PRKD1: variants seen among roughly 807,000 people sequenced by gnomAD.
The protein encoded by PRKD1 is protein kinase D1.
In PRKD1, 63 loss-of-function variants were observed where a neutral mutation model predicts 95.9. That is an observed-to-expected ratio of 0.66 (90% CI 0.54 to 0.81). The LOEUF (loss-of-function observed/expected upper bound fraction) is 0.81, where lower values mean the gene tolerates loss of function less well. Among genes scored for constraint, PRKD1 ranks in the 30% least tolerant of loss-of-function variants. The probability of loss-of-function intolerance (pLI) is 0.00; values close to 1 mark genes in which losing one functional copy is unlikely to be tolerated. For synonymous variants in PRKD1, 425 were observed against 423.1 expected (o/e 1.00, Z -0.05); for missense variants, 1,048 against 1,165.3 (o/e 0.90, Z 1.47).
intron 1 of PRKD1, among the ~76,000 whole-genome samples, chr14:29,795,650 G>T (rs1295422730): frequency 1.3e-5 from 2 of 152,006 alleles, no homozygotes; most frequent in Non-Finnish European, 2.9e-5. Flanking sequence ...TAGCAAAATT[G>T]ACCAACTAAG....
rs759190485 is a variant in PRKD1, at chr14:29,597,454, G to A, written c.2434+37C>T. On this transcript the variant is annotated intron_variant, in intron 16 of 17. Transcript: ENST00000331968. ...TAAATTAATAACATAAACAAATAAG[G>A]ATTAGATTATTATCATTTTTGAATG... The A allele has an allele frequency of 3.3e-6, 5 of 1,507,354 alleles. No homozygotes were observed. In the African/African-American group the frequency reaches 5.6e-5, roughly 17 times the overall value. 93.4% of individuals were successfully genotyped at this position (1,507,354 alleles called of 1,614,324 possible). A position where few individuals can be genotyped will look rare whatever the true frequency, so the allele number is the denominator to read the frequency against.
intron 1 of PRKD1, among the ~76,000 whole-genome samples, chr14:29,912,079 T>C (rs1463800832): frequency 6.6e-6 from 1 of 152,216 alleles, no homozygotes; most frequent in Non-Finnish European, 1.5e-5. Context: ...CTCTTCATAT[T>C]CACCTGTCTG....
intron 1 of PRKD1, among the ~76,000 whole-genome samples, chr14:29,757,002 G>T (rs1231780628): frequency 6.6e-6 from 1 of 152,018 alleles, no homozygotes; most frequent in Non-Finnish European, 1.5e-5. Context: ...TTTATTTGTT[G>T]GTGTAATTAA....
intron 1 of PRKD1, among the ~76,000 whole-genome samples, chr14:29,771,813 G>A (rs1027940677): frequency 2.0e-5 from 3 of 152,218 alleles, no homozygotes; most frequent in Non-Finnish European, 4.4e-5. Flanking sequence ...TGCTGCAAAG[G>A]CAGGACATGG....
chr14:29,831,939 T>G (rs1420991705), intron 1 of PRKD1, among the ~76,000 whole-genome samples: 1 of 152,200 alleles, frequency 6.6e-6, no homozygotes, highest in Non-Finnish European at 1.5e-5. Context: ...TACATGTATG[T>G]ACATCCAGGT....
intron 1 of PRKD1, among the ~76,000 whole-genome samples, chr14:29,797,674 C>T (rs988988581): frequency 6.6e-6 from 1 of 152,094 alleles, no homozygotes; most frequent in African/African-American, 2.4e-5. Flanking sequence ...CAGGGAACCT[C>T]GAAGCACCTG....
intron 1 of PRKD1, among the ~76,000 whole-genome samples, chr14:29,923,490 C>T (rs1895195231): frequency 1.3e-5 from 2 of 151,970 alleles, no homozygotes; most frequent in South Asian, 2.1e-4. Context: ...AGAAAAATGA[C>T]ATCACAACTA....
At chr14:29,755,506 T>C (rs17478506) in intron 1 of PRKD1, among the ~76,000 whole-genome samples, 22,527 of 151,732 alleles carry the variant, frequency 0.15, 1,969 homozygotes, top group South Asian at 0.22. Flanking sequence ...CGACACAGAG[T>C]GCCGGAAAAA....
At chr14:29,616,979 G>A (rs995828394) in intron 13 of PRKD1, among the ~76,000 whole-genome samples, 1 of 152,048 alleles carries the variant, frequency 6.6e-6, no homozygotes, top group Non-Finnish European at 1.5e-5. Context: ...GTAGGACCTA[G>A]TATCTATTGT....
intron 13 of PRKD1, among the ~76,000 whole-genome samples, chr14:29,609,381 T>A (rs900007683): frequency 6.6e-6 from 1 of 152,068 alleles, no homozygotes; most frequent in Non-Finnish European, 1.5e-5. Context: ...CATAAATTAG[T>A]TGTAGTCTTG....
intron 1 of PRKD1, among the ~76,000 whole-genome samples, chr14:29,774,983 G>A (rs1017263691): frequency 1.3e-5 from 2 of 152,144 alleles, no homozygotes; most frequent in East Asian, 1.9e-4. Context: ...CTAAAGAGAT[G>A]AGCAATCAGG....
intron 1 of PRKD1, among the ~76,000 whole-genome samples, chr14:29,819,391 A>T (rs1408778375): frequency 6.6e-6 from 1 of 152,094 alleles, no homozygotes; most frequent in Non-Finnish European, 1.5e-5. Flanking sequence ...AGAGCACATA[A>T]ATAATAAAGC....
intron 1 of PRKD1, chr14:29,751,186 C>T (rs2139460522): frequency 6.6e-6 from 1 of 152,244 alleles, no homozygotes; most frequent in East Asian, 1.9e-4. Flanking sequence ...ATTATAGAAT[C>T]CTAGTGTATT....
chr14:29,755,711 G>A (rs1887666960), intron 1 of PRKD1, among the ~76,000 whole-genome samples: 1 of 152,094 alleles, frequency 6.6e-6, no homozygotes, highest in Non-Finnish European at 1.5e-5. Context: ...CCCTTTTTCT[G>A]ACCAGAGAGA....
At chr14:29,730,088 G>C (rs987634563) in intron 1 of PRKD1, among the ~76,000 whole-genome samples, 1 of 151,920 alleles carries the variant, frequency 6.6e-6, no homozygotes, top group Non-Finnish European at 1.5e-5. Context: ...AATCAATAGA[G>C]TGAAGAGACC....
intron 1 of PRKD1, among the ~76,000 whole-genome samples, chr14:29,911,551 T>G (rs533271088): frequency 1.3e-5 from 2 of 152,256 alleles, no homozygotes; most frequent in East Asian, 1.9e-4. Flanking sequence ...AAAAGCATAT[T>G]TGAATTTGGA....
intron 1 of PRKD1, among the ~76,000 whole-genome samples, chr14:29,740,109 T>C (rs1886920691): frequency 6.6e-6 from 1 of 152,224 alleles, no homozygotes; most frequent in Non-Finnish European, 1.5e-5. Context: ...TGATAGCTAT[T>C]AGAAGTCTTA....
chr14:29,782,303 G>T (rs1433106652), intron 1 of PRKD1, among the ~76,000 whole-genome samples: 1 of 152,042 alleles, frequency 6.6e-6, no homozygotes, highest in Admixed American at 6.6e-5. Context: ...AATGCATTGA[G>T]GGCAATTTGC....
At chr14:29,775,672 CA>C (rs1162746720) in intron 1 of PRKD1, among the ~76,000 whole-genome samples, 1 of 152,098 alleles carries the variant, frequency 6.6e-6, no homozygotes, top group East Asian at 1.9e-4. Context: ...TGGAGGCCAC[CA>C]AAGCTCAAGG....
Sources: gnomAD v4.1 joint callset for allele counts (sites outside exome capture counted in the v4.1 genomes callset) on GRCh38, gnomAD v4.1.1 for gene constraint, MANE v1.5 for transcripts, NCBI Gene and HGNC (gene_info 2026-07-23, HGNC 2026-07-21) for gene names.